Variants in MIB1 observed in about 807,000 individuals in gnomAD.
The protein encoded by MIB1 is E3 ubiquitin-protein ligase MIB1.
In MIB1, 278 loss-of-function variants were observed where a neutral mutation model predicts 124.5. The ratio of observed to expected loss-of-function variants is 2.23; its 90% CI spans 2.02 to 2.47. The LOEUF is 2.47. Among genes scored for constraint, MIB1 ranks in the 30% most tolerant of loss-of-function variants. The pLI is 0.00. For missense variants in MIB1, 957 were observed against 1,254.4 expected, an observed-to-expected ratio of 0.76 and a Z score of 3.58; for synonymous variants, 446 against 429.4, an observed-to-expected ratio of 1.04 and a Z score of -0.48.
At chr18:21,858,815 C>G (rs1248862174) in intron 20 of MIB1, among the ~76,000 whole-genome samples, 169 bp downstream of exon 20, 2 of 152,062 alleles carry the variant, frequency 1.3e-5, no homozygotes, top group African/African-American at 2.4e-5. Flanking sequence ...CAGGTACTTT[C>G]CAAAATAGGT....
intron 20 of MIB1, among the ~76,000 whole-genome samples, chr18:21,859,705 A>G (rs893604218): frequency 1.3e-5 from 2 of 151,966 alleles, no homozygotes; most frequent in Non-Finnish European, 2.9e-5. Flanking sequence ...CCTGGCCAAC[A>G]TGGCAAAACC....
intron 10 of MIB1, among the ~76,000 whole-genome samples, chr18:21,810,239 TAAAG>T (rs1019874474): frequency 1.3e-5 from 2 of 152,054 alleles, no homozygotes; most frequent in African/African-American, 4.8e-5. Context: ...TGAAAGAAAT[TAAAG>T]AAGACAGATA....
At chr18:21,784,718 C>T (rs1183729111) in intron 6 of MIB1, among the ~76,000 whole-genome samples, 2 of 152,190 alleles carry the variant, frequency 1.3e-5, no homozygotes, top group African/African-American at 4.8e-5. Context: ...TGTGAGCCCT[C>T]TGTCACGCCC....
In MIB1 at chr18:21,778,106, G is replaced by A. The variant is rs776340384; in HGVS notation, c.640G>A (p.Asp214Asn). ...TTCTGGTTTCTTTTCTTCTTAGTCT[G>A]ATCTGAAATGTGTCCAGGATGCCAA... ...LYRVGFEGMS[D>N]LKCVQDAKGG... The change falls in exon 5 of 21, where the codon GAT (aspartate) becomes AAT (asparagine). Residue 214 changes from aspartate (D) to asparagine (N), a missense_variant. Coordinates refer to ENST00000261537, the MANE Select transcript of MIB1 (RefSeq NM_020774.4). 1.2e-6 allele frequency: 2 copies of A among 1,610,896 alleles called. No individual in the cohort carries two copies. Among genetic ancestry groups the A allele is most frequent in the Non-Finnish European group, 8.5e-7 (1 of 1,177,442 alleles).
chr18:21,811,268 A>G (rs1293772260), intron 10 of MIB1, among the ~76,000 whole-genome samples: 2 of 152,186 alleles, frequency 1.3e-5, no homozygotes, highest in Non-Finnish European at 2.9e-5. Flanking sequence ...CACTGTTCAT[A>G]GGAATATAAA....
intron 13 of MIB1, among the ~76,000 whole-genome samples, chr18:21,839,525 G>A (rs957552333): frequency 6.6e-6 from 1 of 152,090 alleles, no homozygotes; most frequent in Non-Finnish European, 1.5e-5. Context: ...TTGCTTTTGA[G>A]ACTGGGTCTC....
At chr18:21,718,381 A>G (rs559268461) in intron 1 of MIB1, among the ~76,000 whole-genome samples, 1 of 152,312 alleles carries the variant, frequency 6.6e-6, no homozygotes, top group Admixed American at 6.5e-5. Flanking sequence ...TTCCGCAATA[A>G]CCTATGGAAA....
chr18:21,707,404 A>G (rs1368225311), intron 1 of MIB1, among the ~76,000 whole-genome samples: 2 of 152,184 alleles, frequency 1.3e-5, no homozygotes, highest in Non-Finnish European at 2.9e-5. Flanking sequence ...CCGATAAGGG[A>G]ATAAAAGCAG....
At chr18:21,779,792 C>A in intron 6 of MIB1, 107 bp downstream of exon 6, 2 of 859,222 alleles carry the variant, frequency 2.3e-6, no homozygotes, top group Non-Finnish European at 3.7e-6. Flanking sequence ...TTAAAGCTAG[C>A]TTTTAGATGG....
rs368812922 is a variant in MIB1, at chr18:21,741,854, G to C, written c.229+42G>C. The C allele has an allele frequency of 1.3e-6, 2 of 1,500,842 alleles. No individual in the cohort carries two copies. The highest frequency in any genetic ancestry group is 1.3e-5 in the South Asian group (1 of 79,528). 93.0% of individuals were successfully genotyped at this position (1,500,842 alleles called of 1,614,324 possible). A position where few individuals can be genotyped will look rare whatever the true frequency, so the allele number is the denominator to read the frequency against. ...TGGCCAGGGCTTGCGCGCGCGGGGG[G>C]AAGGGGCGAGCTGCGGTGGGCGTCG... is the stretch of plus-strand genomic sequence containing the variant. On this transcript the variant is annotated intron_variant, in intron 1 of 20. Coordinates refer to ENST00000261537, the MANE Select transcript of MIB1 (RefSeq NM_020774.4). The surrounding 1 kb of genome is among the most constrained non-coding windows in gnomAD (Gnocchi z 5.4).
At chr18:21,758,779 C>T (rs772291095) in intron 1 of MIB1, among the ~76,000 whole-genome samples, 2 of 152,050 alleles carry the variant, frequency 1.3e-5, no homozygotes, top group Non-Finnish European at 2.9e-5. Context: ...GTGATCCACC[C>T]GCCTCGGCCT....
chr18:21,767,386 G>C (rs2041173496), intron 2 of MIB1, among the ~76,000 whole-genome samples: 1 of 152,102 alleles, frequency 6.6e-6, no homozygotes, highest in Non-Finnish European at 1.5e-5. Context: ...TCACTATCAA[G>C]AGAACAGCAT....
intron 6 of MIB1, among the ~76,000 whole-genome samples, chr18:21,786,425 G>T (rs2041436663): frequency 6.6e-6 from 1 of 152,082 alleles, no homozygotes; most frequent in African/African-American, 2.4e-5. Context: ...GATTTAATTT[G>T]TTTGGTGATT....
chr18:21,707,424 G>C (rs573456686), intron 1 of MIB1, among the ~76,000 whole-genome samples: 2 of 152,228 alleles, frequency 1.3e-5, no homozygotes, highest in Non-Finnish European at 2.9e-5. Context: ...GGCTGCCCGA[G>C]CCAGCAGAGG....
At chr18:21,829,040 C>G (rs990937936) in intron 12 of MIB1, 1 of 484,656 alleles carries the variant, frequency 2.1e-6, no homozygotes, top group Non-Finnish European at 4.3e-6. Flanking sequence ...CATTCCATAG[C>G]ATTGTATGTT....
rs2146372980 is a variant in MIB1 at position 21,741,569 on chromosome 18, A to C, written c.-15A>C. The C allele has an allele frequency of 7.4e-7, 1 of 1,359,016 alleles. No individual in the cohort carries two copies. Among genetic ancestry groups the C allele is most frequent in the East Asian group, 3.0e-5 (1 of 33,122 alleles). The allele number at this position is 1,359,016 out of a possible 1,614,324, so 84.2% of individuals were successfully genotyped here. A position where few individuals can be genotyped will look rare whatever the true frequency, so the allele number is the denominator to read the frequency against. ...GGCGGCGGCGGCAGCGGCGGAGCCC[A>C]CCGCCCGGGCCCCGATGAGTAACTC... On this transcript the variant is annotated 5_prime_UTR_variant, in exon 1 of 21. Transcript: ENST00000261537. The surrounding 1 kb of genome is among the most constrained non-coding windows in gnomAD (Gnocchi z 5.4).
chr18:21,803,181 C>G (rs1430667612), intron 9 of MIB1, among the ~76,000 whole-genome samples: 1 of 151,876 alleles, frequency 6.6e-6, no homozygotes, highest in Non-Finnish European at 1.5e-5. Context: ...GGATTTTTAC[C>G]TTTTAAATTA....
At chr18:21,766,249 A>C (rs1362266898) in intron 2 of MIB1, among the ~76,000 whole-genome samples, 1 of 152,210 alleles carries the variant, frequency 6.6e-6, no homozygotes, top group East Asian at 1.9e-4. Flanking sequence ...TTTTCTTCTC[A>C]CTATGCCTTC....
chr18:21,854,099 T>A (rs1282600178), intron 18 of MIB1, among the ~76,000 whole-genome samples: 1 of 150,326 alleles, frequency 6.7e-6, no homozygotes, highest in Non-Finnish European at 1.5e-5. Context: ...ACATTTTGCC[T>A]AAAGTGACTG....
Sources: gnomAD v4.1 joint callset for allele counts (sites outside exome capture counted in the v4.1 genomes callset) on GRCh38, gnomAD v4.1.1 for gene constraint, Gnocchi (gnomAD v3.1) non-coding constraint, MANE v1.5 for transcripts, NCBI Gene and HGNC (gene_info 2026-07-23, HGNC 2026-07-21) for gene names.